Variants in SMG5 observed in about 807,000 individuals in gnomAD.
SMG5 encodes SMG5 nonsense mediated mRNA decay factor.
Under a neutral mutation model 122.9 loss-of-function variants are expected in SMG5, and 53 were observed. The ratio of observed to expected loss-of-function variants is 0.43; its 90% CI spans 0.35 to 0.54. The LOEUF (loss-of-function observed/expected upper bound fraction) is 0.54. Ranked by LOEUF, SMG5 falls within the 20% of genes least tolerant of loss-of-function variation. SMG5 has a pLI of 0.01. For synonymous variants in SMG5, 477 were observed against 490.2 expected, an observed-to-expected ratio of 0.97 and a Z score of 0.35; for missense variants, 1,153 against 1,285.6, an observed-to-expected ratio of 0.90 and a Z score of 1.58.
chr1:156,250,502 G>T lies in SMG5; in HGVS notation c.*85C>A. On this transcript the variant is annotated 3_prime_UTR_variant, in exon 22 of 22. Transcript: ENST00000361813. ...TGCGTGCATGAGTCTGCGTGTGGTG[G>T]GGTGACTACAGGTGCTGGTCCTGGC... 1 of 1,167,036 alleles carries T rather than the reference G, an allele frequency of 8.6e-7. No homozygotes were observed. Among genetic ancestry groups the T allele is most frequent in the Non-Finnish European group, 1.3e-6 (1 of 776,870 alleles). 72.3% of individuals were successfully genotyped at this position (1,167,036 alleles called of 1,614,324 possible).
At chr1:156,279,247 C>T (rs1001858736) in intron 1 of SMG5, among the ~76,000 whole-genome samples, 2 of 135,138 alleles carry the variant, frequency 1.5e-5, no homozygotes, top group Admixed American at 1.5e-4. Context: ...CACCAGGGGA[C>T]ATTTGGCAAT....
chr1:156,262,819 T>C (rs1661915507), intron 13 of SMG5, among the ~76,000 whole-genome samples: 1 of 151,166 alleles, frequency 6.6e-6, no homozygotes, highest in African/African-American at 2.4e-5. Context: ...AGGGCAGGTA[T>C]GCCCCTAGAA....
At chr1:156,277,782 G>A (rs1306928566) in intron 3 of SMG5, 143 bp downstream of exon 3, 1 of 1,063,436 alleles carries the variant, frequency 9.4e-7, no homozygotes, top group African/African-American at 1.6e-5. Flanking sequence ...AAAGTGCTGG[G>A]ATTACACGCA....
At chr1:156,291,434 G>A in the SMG5 span, 1 of 1,613,934 alleles carries the variant, frequency 6.2e-7, no homozygotes, top group East Asian at 2.2e-5. Flanking sequence ...CCGAGGCTTC[G>A]GCTACGGCCT....
the SMG5 span, among the ~76,000 whole-genome samples, chr1:156,288,987 G>A: frequency 6.6e-6 from 1 of 152,190 alleles, no homozygotes; most frequent in Non-Finnish European, 1.5e-5. Context: ...ACAGATTAGG[G>A]GAAGAGAGTT....
chr1:156,283,594 T>C (rs1425168432), upstream of SMG5, among the ~76,000 whole-genome samples: 1 of 152,266 alleles, frequency 6.6e-6, no homozygotes, highest in Non-Finnish European at 1.5e-5. Flanking sequence ...TGTCTTGTTT[T>C]AGCTTAAAAC....
intron 7 of SMG5, among the ~76,000 whole-genome samples, chr1:156,269,262 G>A (rs1279333485): frequency 5.3e-5 from 8 of 152,072 alleles, no homozygotes; most frequent in African/African-American, 1.4e-4. Context: ...GAGCCACTGC[G>A]CCCAGCCCCA....
At chr1:156,263,274 T>G in intron 13 of SMG5, 121 bp downstream of exon 13, 1 of 1,127,120 alleles carries the variant, frequency 8.9e-7, no homozygotes, top group Non-Finnish European at 1.3e-6. Flanking sequence ...AGATAGGTGA[T>G]TAATTGCTTG....
rs990989872 is a variant in SMG5, at chr1:156,249,633, G to A, written c.*954C>T. The A allele has an allele frequency of 6.1e-5, 25 of 412,432 alleles. No individual in the cohort carries two copies. Among genetic ancestry groups the A allele is most frequent in the Non-Finnish European group, 1.2e-4 (24 of 199,426 alleles). 25.5% of individuals were successfully genotyped at this position (412,432 alleles called of 1,614,324 possible). A position where few individuals can be genotyped will look rare whatever the true frequency, so the allele number is the denominator to read the frequency against. On this transcript the variant is annotated 3_prime_UTR_variant, in exon 22 of 22. Coordinates refer to ENST00000361813, the MANE Select transcript of SMG5 (RefSeq NM_015327.3). ...CTGCGGAAGGCAAAAGGAGGGACGG[G>A]GGCCTCTGACTGAGCAGCTTCAAGG...
intron 4 of SMG5, among the ~76,000 whole-genome samples, chr1:156,276,275 C>T (rs924567231): frequency 3.3e-5 from 5 of 152,072 alleles, no homozygotes; most frequent in East Asian, 1.9e-4. Flanking sequence ...TATAGGTGCA[C>T]GCCACCATGC....
intron 7 of SMG5, among the ~76,000 whole-genome samples, chr1:156,270,320 C>T (rs1291069261): frequency 1.3e-5 from 2 of 152,174 alleles, no homozygotes; most frequent in Non-Finnish European, 2.9e-5. Flanking sequence ...AGTCATTGTT[C>T]ACTGTTGGAG....
upstream of SMG5, among the ~76,000 whole-genome samples, chr1:156,287,567 A>G (rs1663203231): frequency 6.6e-6 from 1 of 150,642 alleles, no homozygotes; most frequent in Non-Finnish European, 1.5e-5. Flanking sequence ...ATACAAACCA[A>G]GGATGTGTGA....
At chr1:156,271,150 T>C (rs899824991) in intron 7 of SMG5, among the ~76,000 whole-genome samples, 6 of 152,192 alleles carry the variant, frequency 3.9e-5, no homozygotes, top group African/African-American at 1.2e-4. Flanking sequence ...CTCAACAAGC[T>C]AAATTTAATA....
At chr1:156,254,851 A>T (rs1661510227) in intron 16 of SMG5, among the ~76,000 whole-genome samples, 1 of 152,032 alleles carries the variant, frequency 6.6e-6, no homozygotes, top group African/African-American at 2.4e-5. Context: ...GCACTTTGGG[A>T]GGCTAAGGCA....
intron 16 of SMG5, among the ~76,000 whole-genome samples, chr1:156,254,699 C>T (rs921000462): frequency 6.6e-6 from 1 of 152,142 alleles, no homozygotes; most frequent in Non-Finnish European, 1.5e-5. Flanking sequence ...CCCGCCTTGG[C>T]CTCCCAAAGT....
At chr1:156,275,051 G>A (rs1037050272) in intron 4 of SMG5, among the ~76,000 whole-genome samples, 2 of 142,102 alleles carry the variant, frequency 1.4e-5, no homozygotes, top group Non-Finnish European at 3.0e-5. Context: ...TTGGGTAGAA[G>A]TTACACACAT....
At position 156,250,265 on chromosome 1, in the gene SMG5, T is replaced by C. The variant is rs1043165; in HGVS notation, c.*322A>G. The C allele has an allele frequency of 0.49, 191,870 of 392,826 alleles. 48,408 individuals are homozygous for C. Among genetic ancestry groups the C allele is most frequent in the Admixed American group, 0.61 (15,252 of 25,180 alleles). The allele number at this position is 392,826 out of a possible 1,614,324, so 24.3% of individuals were successfully genotyped here. ...TTCCCCTCAGAGATCCAAGAACCCATTCCAGTGAAATGCAGGTACCCATGC... is the reference window on the plus strand; with the variant it reads ...TTCCCCTCAGAGATCCAAGAACCCACTCCAGTGAAATGCAGGTACCCATGC... On this transcript the variant is annotated 3_prime_UTR_variant, in exon 22 of 22. Transcript: ENST00000361813.
In SMG5 at chr1:156,270,608, A is replaced by T. The variant is rs1662365177; in HGVS notation, c.713+1712T>A. 4.6e-5 allele frequency among the ~76,000 whole-genome samples: 7 copies of T among 152,340 alleles called. No individual in the cohort carries two copies. In the South Asian group the frequency reaches 1.4e-3, roughly 32 times the overall value. ...GTGGGCACCTCCCAAACTTGGATAT[A>T]CCTGGCTCTCTTTTGGAACTGACCC... is the stretch of plus-strand genomic sequence containing the variant. On this transcript the variant is annotated intron_variant, in intron 7 of 21. Transcript: ENST00000361813.
intron 7 of SMG5, among the ~76,000 whole-genome samples, chr1:156,269,511 C>A (rs1304664730): frequency 6.6e-6 from 1 of 151,052 alleles, no homozygotes. Context: ...CTGAGGCGGG[C>A]GTATCAAGAG....
Sources: gnomAD v4.1 joint callset for allele counts (sites outside exome capture counted in the v4.1 genomes callset) on GRCh38, gnomAD v4.1.1 for gene constraint, MANE v1.5 for transcripts, NCBI Gene and HGNC (gene_info 2026-07-23, HGNC 2026-07-21) for gene names.